Variants in RALGAPA2 observed in about 807,000 individuals in gnomAD.
The protein encoded by RALGAPA2 is Ral GTPase activating protein catalytic subunit alpha 2.
Under a neutral mutation model 230.4 loss-of-function variants are expected in RALGAPA2, and 139 were observed. That is an observed-to-expected ratio of 0.60 (90% CI 0.53 to 0.69). RALGAPA2 has a LOEUF of 0.69. Ranked by LOEUF, RALGAPA2 falls within the 30% of genes least tolerant of loss-of-function variation. RALGAPA2 has a pLI of 0.00. For missense variants in RALGAPA2, 2,163 were observed against 2,276.0 expected (o/e 0.95, Z 1.01); for synonymous variants, 847 against 837.8 (o/e 1.01, Z -0.19).
At chr20:20,689,864 T>C (rs1389833012) in intron 1 of RALGAPA2, among the ~76,000 whole-genome samples, 1 of 152,180 alleles carries the variant, frequency 6.6e-6, no homozygotes, top group Admixed American at 6.5e-5. Flanking sequence ...CCTCAGTTCC[T>C]GGCCTGTCAT....
At chr20:20,652,398 T>C (rs547160921) in intron 4 of RALGAPA2, among the ~76,000 whole-genome samples, 60 of 152,340 alleles carry the variant, frequency 3.9e-4, no homozygotes, top group African/African-American at 1.4e-3. Flanking sequence ...TTTTTTGTTA[T>C]CATCATACTT....
intron 35 of RALGAPA2, among the ~76,000 whole-genome samples, chr20:20,501,421 A>G (rs1159087186): frequency 6.6e-6 from 1 of 152,134 alleles, no homozygotes; most frequent in African/African-American, 2.4e-5. Context: ...TCTTTCCTCA[A>G]ACTTCATGAA....
At position 20,520,926 on chromosome 20, in the gene RALGAPA2, C is replaced by T. The variant is rs1219837073; in HGVS notation, c.4075G>A (p.Val1359Ile). The stretch of plus-strand genomic sequence containing the variant: ...CTGAAAGAATACTCACCCTCTTCAA[C>T]AGTCAGCAGGTTACCCAATTCTGCT... ...SSAELGNLLT[V>I]EEEKKRRSLE... is the part of the protein sequence containing the mutation. Residue 1359 changes from valine to isoleucine, a missense_variant, in exon 31 of 40, where the codon GTT becomes ATT. Coordinates refer to ENST00000202677, the MANE Select transcript of RALGAPA2 (RefSeq NM_020343.4). 1.9e-6 allele frequency: 3 copies of T among 1,606,584 alleles called. No individual in the cohort carries two copies. Among genetic ancestry groups the T allele is most frequent in the African/African-American group, 2.7e-5 (2 of 74,790 alleles).
At chr20:20,664,010 A>G (rs1010645311) in intron 3 of RALGAPA2, among the ~76,000 whole-genome samples, 1 of 152,234 alleles carries the variant, frequency 6.6e-6, no homozygotes, top group Admixed American at 6.5e-5. Flanking sequence ...CATCTACAGC[A>G]TGGATCCACT....
At chr20:20,633,763 C>T (rs1363157472) in intron 9 of RALGAPA2, among the ~76,000 whole-genome samples, 1 of 152,224 alleles carries the variant, frequency 6.6e-6, no homozygotes, top group Non-Finnish European at 1.5e-5. Flanking sequence ...CAGGTGTGAG[C>T]CACCGTGCCC....
intron 7 of RALGAPA2, among the ~76,000 whole-genome samples, chr20:20,639,304 A>ACCAGGTT (rs1178256379): frequency 6.6e-6 from 1 of 152,262 alleles, no homozygotes; most frequent in Non-Finnish European, 1.5e-5. Context: ...AGAAATCTAG[A>ACCAGGTT]CCAGGAGTCA....
intron 38 of RALGAPA2, among the ~76,000 whole-genome samples, chr20:20,411,292 C>T (rs1454060403): frequency 6.6e-6 from 1 of 152,104 alleles, no homozygotes; most frequent in Non-Finnish European, 1.5e-5. Flanking sequence ...AGTAATAATT[C>T]TATTATTTGA....
chr20:20,700,226 T>C (rs2069295064), intron 1 of RALGAPA2, among the ~76,000 whole-genome samples: 1 of 152,126 alleles, frequency 6.6e-6, no homozygotes, highest in South Asian at 2.1e-4. Context: ...AAATACCATA[T>C]GTTCTCACTT....
At chr20:20,447,859 T>C (rs1043076913) in intron 37 of RALGAPA2, among the ~76,000 whole-genome samples, 6 of 152,180 alleles carry the variant, frequency 3.9e-5, no homozygotes, top group Non-Finnish European at 7.3e-5. Context: ...GCATCCTCAG[T>C]GTAGCCAGCA....
At chr20:20,605,902 A>G (rs1376692724) in intron 14 of RALGAPA2, among the ~76,000 whole-genome samples, 2 of 151,836 alleles carry the variant, frequency 1.3e-5, no homozygotes, top group African/African-American at 4.8e-5. Flanking sequence ...GCCCATATTC[A>G]CCCAGCTCCA....
At chr20:20,495,368 C>T (rs1482411772) in intron 35 of RALGAPA2, 93 bp from the exon 36 acceptor site, 4 of 1,155,402 alleles carry the variant, frequency 3.5e-6, no homozygotes, top group Non-Finnish European at 4.6e-6. Context: ...AACTCAAAGG[C>T]CAAAAAAATT....
chr20:20,468,445 T>C (rs369329868), intron 37 of RALGAPA2, among the ~76,000 whole-genome samples: 1,967 of 152,272 alleles, frequency 0.013, 45 homozygotes, highest in African/African-American at 0.045. Flanking sequence ...AGTGTTTCTT[T>C]GTGGTGCTGC....
intron 10 of RALGAPA2, among the ~76,000 whole-genome samples, chr20:20,621,479 TC>T (rs2066320115): frequency 1.3e-5 from 2 of 152,078 alleles, no homozygotes; most frequent in African/African-American, 2.4e-5. Context: ...TTTTTCCTTT[TC>T]TTTGCTTTTG....
At chr20:20,458,529 A>T (rs1184116987) in intron 37 of RALGAPA2, among the ~76,000 whole-genome samples, 4 of 137,962 alleles carry the variant, frequency 2.9e-5, no homozygotes, top group Admixed American at 7.7e-5. Context: ...TTTTATATAT[A>T]TTATATATAA....
At chr20:20,560,625 T>C (rs943330323) in intron 23 of RALGAPA2, among the ~76,000 whole-genome samples, 8 of 152,238 alleles carry the variant, frequency 5.3e-5, no homozygotes, top group Non-Finnish European at 1.0e-4. Flanking sequence ...CTACTCTTTA[T>C]GAATTATAAA....
intron 33 of RALGAPA2, among the ~76,000 whole-genome samples, chr20:20,510,366 C>G (rs1343960621): frequency 6.6e-6 from 1 of 151,922 alleles, no homozygotes; most frequent in Non-Finnish European, 1.5e-5. Flanking sequence ...ACATATAGAT[C>G]AAAACAGATT....
chr20:20,583,024 T>C (rs2065031572), intron 20 of RALGAPA2, 26 bp downstream of exon 20: 1 of 1,606,256 alleles, frequency 6.2e-7, no homozygotes, highest in East Asian at 2.2e-5. Context: ...TTTGCATTAG[T>C]GCCTCTTTTT....
intron 37 of RALGAPA2, among the ~76,000 whole-genome samples, chr20:20,458,435 T>TA (rs34485072): frequency 0.016 from 2,096 of 134,810 alleles, 99 homozygotes; most frequent in East Asian, 0.058. Context: ...ATATGTATTT[T>TA]TTATATTACA....
intron 32 of RALGAPA2, among the ~76,000 whole-genome samples, chr20:20,512,197 A>C (rs563433272): frequency 6.6e-6 from 1 of 151,190 alleles, no homozygotes; most frequent in East Asian, 1.9e-4. Context: ...CAAAAAACAA[A>C]AAACAAACAA....
Sources: gnomAD v4.1 joint callset for allele counts (sites outside exome capture counted in the v4.1 genomes callset) on GRCh38, gnomAD v4.1.1 for gene constraint, MANE v1.5 for transcripts, NCBI Gene and HGNC (gene_info 2026-07-23, HGNC 2026-07-21) for gene names.